Variants in ADGRL3 observed in about 807,000 individuals in gnomAD.
The protein encoded by ADGRL3 is adhesion G protein-coupled receptor L3, also known as calcium-independent alpha-latrotoxin receptor 3.
ADGRL3 carries 62 observed loss-of-function variants against 153.5 expected under a neutral mutation model. The observed-to-expected ratio is 0.40, with a 90% CI of 0.33 to 0.50. ADGRL3 has a LOEUF of 0.50. ADGRL3 is among the 20% of genes least tolerant of loss of function. The probability of loss-of-function intolerance (pLI) is 0.47; values close to 1 mark genes in which losing one functional copy is unlikely to be tolerated. For missense variants in ADGRL3, 1,641 were observed against 1,859.4 expected (o/e 0.88, Z 2.16); for synonymous variants, 710 against 672.5 (o/e 1.06, Z -0.86).
chr4:61,582,369 T>C (rs993713681), intron 4 of ADGRL3, among the ~76,000 whole-genome samples: 13 of 151,892 alleles, frequency 8.6e-5, no homozygotes, highest in Non-Finnish European at 5.9e-5. Flanking sequence ...CCCCAGTATG[T>C]GTTGTTCCTC....
chr4:61,710,922 G>C (rs2095966076), intron 6 of ADGRL3, among the ~76,000 whole-genome samples: 1 of 152,098 alleles, frequency 6.6e-6, no homozygotes, highest in African/African-American at 2.4e-5. Flanking sequence ...GCTATGACAT[G>C]ACTCTACTAA....
At chr4:62,034,928 A>G (rs1474248171) in intron 23 of ADGRL3, among the ~76,000 whole-genome samples, 1 of 151,890 alleles carries the variant, frequency 6.6e-6, no homozygotes, top group Non-Finnish European at 1.5e-5. Context: ...GGTAAGGTAT[A>G]TTCTCTTTCC....
At chr4:61,558,894 A>T (rs536908037) in intron 4 of ADGRL3, among the ~76,000 whole-genome samples, 13 of 152,210 alleles carry the variant, frequency 8.5e-5, no homozygotes, top group South Asian at 2.1e-4. Context: ...ATCTCTTTTA[A>T]GGTTTCATTG....
chr4:61,608,235 C>G (rs1407839805), intron 5 of ADGRL3, among the ~76,000 whole-genome samples: 1 of 152,192 alleles, frequency 6.6e-6, no homozygotes, highest in Non-Finnish European at 1.5e-5. Flanking sequence ...CAATCTTGTT[C>G]CATCTGATCC....
At chr4:61,501,418 C>T (rs963077972) in intron 3 of ADGRL3, among the ~76,000 whole-genome samples, 4 of 152,140 alleles carry the variant, frequency 2.6e-5, no homozygotes, top group Non-Finnish European at 5.9e-5. Context: ...TCCCCTGCTC[C>T]TTTCTTACCT....
intron 1 of ADGRL3, among the ~76,000 whole-genome samples, chr4:61,224,004 A>G (rs1746798697): frequency 6.6e-6 from 1 of 152,180 alleles, no homozygotes; most frequent in Admixed American, 6.5e-5. Flanking sequence ...TTGGTAAATT[A>G]GAAATTTTTT....
In ADGRL3 at chr4:61,983,508, T is replaced by G. The variant is rs370306781; in HGVS notation, c.3141T>G (p.Arg1047=). 1 of 1,613,966 alleles carries G rather than the reference T, an allele frequency of 6.2e-7. No individual in the cohort carries two copies. Among genetic ancestry groups the G allele is most frequent in the South Asian group, 1.1e-5 (1 of 91,086 alleles). Residue 1047 remains arginine, a synonymous_variant, in exon 19 of 27, where the codon CGT becomes CGG. Coordinates refer to ENST00000683033, the MANE Select transcript of ADGRL3 (RefSeq NM_001387552.1). The part of the protein sequence containing the change: ...LVEVFESEHS[R]RKYFYLVGYG... ...AGGTTTTTGAGAGTGAACATTCACG[T>G]AGGAAATACTTTTATCTGGTCGGCT...
At chr4:61,455,861 G>C (rs2097728966) in intron 2 of ADGRL3, among the ~76,000 whole-genome samples, 1 of 151,748 alleles carries the variant, frequency 6.6e-6, no homozygotes, top group Non-Finnish European at 1.5e-5. Flanking sequence ...TATCTCCCAG[G>C]TTGGCATGTA....
chr4:61,799,038 T>TATATATATATATAC (rs1411460409), intron 8 of ADGRL3, among the ~76,000 whole-genome samples: 1 of 115,730 alleles, frequency 8.6e-6, no homozygotes, highest in African/African-American at 3.5e-5. Flanking sequence ...TATATATATA[T>TATATATATATATAC]ACCATATATT....
At chr4:61,288,300 T>G (rs1007948285) in intron 1 of ADGRL3, among the ~76,000 whole-genome samples, 2 of 151,988 alleles carry the variant, frequency 1.3e-5, no homozygotes, top group Admixed American at 1.3e-4. Context: ...CCATTAGCAT[T>G]AACTAAAAGG....
chr4:61,359,948 ATAGTGGT>A (rs908453014), intron 1 of ADGRL3, among the ~76,000 whole-genome samples: 19 of 151,180 alleles, frequency 1.3e-4, no homozygotes, highest in Non-Finnish European at 2.2e-4. Flanking sequence ...ATTATTATAT[ATAGTGGT>A]ATGTATAGTA....
intron 2 of ADGRL3, among the ~76,000 whole-genome samples, chr4:61,386,945 A>G (rs753708173): frequency 2.0e-5 from 3 of 152,226 alleles, no homozygotes; most frequent in Non-Finnish European, 4.4e-5. Flanking sequence ...TGTTTTGACA[A>G]GCACATAAAG....
intron 6 of ADGRL3, among the ~76,000 whole-genome samples, chr4:61,729,743 T>A (rs2096408251): frequency 6.6e-6 from 1 of 152,010 alleles, no homozygotes; most frequent in Admixed American, 6.6e-5. Flanking sequence ...TGCTGTTTGA[T>A]GAGTTTGTGA....
At chr4:61,509,039 G>T (rs1249055116) in intron 3 of ADGRL3, among the ~76,000 whole-genome samples, 1 of 151,610 alleles carries the variant, frequency 6.6e-6, no homozygotes, top group African/African-American at 2.4e-5. Flanking sequence ...GATCCCACGG[G>T]TTCCATCCCA....
At chr4:61,756,834 T>A (rs541050486) in intron 8 of ADGRL3, among the ~76,000 whole-genome samples, 327 of 152,282 alleles carry the variant, frequency 2.1e-3, no homozygotes, top group Non-Finnish European at 3.9e-3. Context: ...CATGAAGGGT[T>A]GTTGAATTTT....
intron 6 of ADGRL3, among the ~76,000 whole-genome samples, chr4:61,713,558 T>A (rs1028160339): frequency 6.6e-6 from 1 of 151,958 alleles, no homozygotes; most frequent in Admixed American, 6.6e-5. Context: ...AATCAGTAAA[T>A]GAAAGTATAT....
intron 2 of ADGRL3, among the ~76,000 whole-genome samples, chr4:61,414,874 A>T (rs916120811): frequency 6.6e-6 from 1 of 151,924 alleles, no homozygotes; most frequent in African/African-American, 2.4e-5. Context: ...AGTAATTTTG[A>T]TATTTACATT....
chr4:61,568,030 T>G (rs112641705), intron 4 of ADGRL3, among the ~76,000 whole-genome samples: 1,832 of 152,300 alleles, frequency 0.012, 34 homozygotes, highest in African/African-American at 0.041. Context: ...AATTATTAAT[T>G]CATTTGTTGT....
At chr4:61,968,405 C>T (rs1047414452) in intron 17 of ADGRL3, among the ~76,000 whole-genome samples, 2 of 152,094 alleles carry the variant, frequency 1.3e-5, no homozygotes, top group African/African-American at 2.4e-5. Context: ...TTTAGAGAAA[C>T]ATCATTTACA....
Sources: gnomAD v4.1 joint callset for allele counts (sites outside exome capture counted in the v4.1 genomes callset) on GRCh38, gnomAD v4.1.1 for gene constraint, MANE v1.5 for transcripts, NCBI Gene and HGNC (gene_info 2026-07-23, HGNC 2026-07-21) for gene names.